Variants in USH1C observed in about 807,000 individuals in gnomAD.
USH1C encodes USH1 protein network component harmonin, also known as harmonin.
A neutral mutation model predicts 119.3 loss-of-function variants in USH1C; 90 were observed. The observed-to-expected ratio is 0.75, with a 90% CI of 0.64 to 0.90. The LOEUF is 0.90. USH1C is among the 40% of genes least tolerant of loss of function. The pLI is 0.00. For missense variants in USH1C, 1,165 were observed against 1,167.7 expected, an observed-to-expected ratio of 1.00 and a Z score of 0.03; for synonymous variants, 465 against 443.3, an observed-to-expected ratio of 1.05 and a Z score of -0.62.
intron 8 of USH1C, among the ~76,000 whole-genome samples, chr11:17,524,982 C>T (rs1297232273): frequency 2.0e-5 from 3 of 152,180 alleles, no homozygotes; most frequent in African/African-American, 7.2e-5. Context: ...GCTGCGACTA[C>T]AGGTGTGCAC....
chr11:17,506,089 G>A, intron 18 of USH1C, 140 bp from the exon 19 acceptor site: 1 of 1,271,492 alleles, frequency 7.9e-7, no homozygotes, highest in Non-Finnish European at 1.1e-6. Context: ...CGAGGTCCTG[G>A]GGTTGTGATC....
intron 22 of USH1C, 25 bp downstream of exon 22, chr11:17,501,457 C>T: frequency 6.2e-7 from 1 of 1,609,682 alleles, no homozygotes; most frequent in Non-Finnish European, 8.5e-7. Context: ...GATGGCGGCC[C>T]ACCGGCCTCC....
intron 4 of USH1C, among the ~76,000 whole-genome samples, chr11:17,529,634 T>TCC (rs1282806367): frequency 1.3e-5 from 2 of 152,214 alleles, no homozygotes; most frequent in Non-Finnish European, 2.9e-5. Flanking sequence ...TCGGAATGAT[T>TCC]CCCACACAGC....
At chr11:17,505,185 G>A (rs1374608662) in intron 19 of USH1C, among the ~76,000 whole-genome samples, 1 of 152,230 alleles carries the variant, frequency 6.6e-6, no homozygotes, top group Non-Finnish European at 1.5e-5. Flanking sequence ...CACTTCCCCA[G>A]GACCACACCT....
intron 2 of USH1C, among the ~76,000 whole-genome samples, chr11:17,532,882 A>C (rs114707575): frequency 0.013 from 2,003 of 152,324 alleles, 52 homozygotes; most frequent in African/African-American, 0.044. Context: ...AAAATGAATC[A>C]AAAAGCAAGT....
intron 20 of USH1C, 23 bp downstream of exon 20, chr11:17,504,620 CCAGA>C: frequency 3.1e-6 from 5 of 1,613,688 alleles, no homozygotes; most frequent in Non-Finnish European, 4.2e-6. Context: ...GGGGAGACCT[CCAGA>C]CACACAATGG....
chr11:17,540,688 C>T (rs1565074939), intron 1 of USH1C, among the ~76,000 whole-genome samples: 6 of 152,192 alleles, frequency 3.9e-5, no homozygotes. Flanking sequence ...TTTCTACGCT[C>T]GCAGCCAATC....
At chr11:17,517,328 G>A in intron 14 of USH1C, 2 of 1,463,424 alleles carry the variant, frequency 1.4e-6, no homozygotes, top group Non-Finnish European at 1.9e-6. Flanking sequence ...CTGGGTGTCT[G>A]CACTGCGGTC....
Position 17,526,387 on chromosome 11 carries a change from CCTT to C in USH1C, c.631_633del (p.Lys211del). ...CGGGAGCCTACCAGGCTGATGAAGA[CCTT>C]CTTCTCCTTGTTTTCCCGATTTCCA... On this transcript the variant is annotated inframe_deletion, in exon 8 of 27. Transcript: ENST00000005226. 6.2e-7 allele frequency: 1 copy of C among 1,614,142 alleles called. No homozygotes were observed. The highest frequency in any genetic ancestry group is 1.1e-5 in the South Asian group (1 of 91,074).
chr11:17,539,095 T>C (rs1851344600), intron 1 of USH1C, among the ~76,000 whole-genome samples: 1 of 152,204 alleles, frequency 6.6e-6, no homozygotes, highest in Non-Finnish European at 1.5e-5. Flanking sequence ...ACCAGCAGTA[T>C]TTCCTCTCTG....
At chr11:17,520,758 C>G (rs1591998860) in intron 14 of USH1C, 112 bp downstream of exon 14, 17 of 1,350,950 alleles carry the variant, frequency 1.3e-5, no homozygotes, top group Non-Finnish European at 1.8e-5. Flanking sequence ...CATGAAGGAA[C>G]CACAGCCCAG....
At chr11:17,499,493 G>T (rs1413862029) in intron 23 of USH1C, among the ~76,000 whole-genome samples, 1 of 152,204 alleles carries the variant, frequency 6.6e-6, no homozygotes, top group Non-Finnish European at 1.5e-5. Flanking sequence ...TTGGGTTGGG[G>T]CTTTGTAAGT....
chr11:17,509,108 G>A (rs904323833), intron 18 of USH1C, among the ~76,000 whole-genome samples: 1 of 152,126 alleles, frequency 6.6e-6, no homozygotes, highest in South Asian at 2.1e-4. Flanking sequence ...AATATCAAAT[G>A]GACACACCGT....
chr11:17,540,758 C>T (rs1851432428), intron 1 of USH1C, among the ~76,000 whole-genome samples: 1 of 152,164 alleles, frequency 6.6e-6, no homozygotes, highest in African/African-American at 2.4e-5. Context: ...CCCATTCTCA[C>T]CCGAGTCCGA....
chr11:17,537,278 C>T (rs1053149154), intron 1 of USH1C, among the ~76,000 whole-genome samples: 1 of 152,178 alleles, frequency 6.6e-6, no homozygotes, highest in Non-Finnish European at 1.5e-5. Flanking sequence ...TTTGGGGAGC[C>T]CCTGCTCTAG....
intron 8 of USH1C, 67 bp downstream of exon 8, chr11:17,526,280 G>A (rs1209278106): frequency 4.9e-5 from 66 of 1,345,296 alleles, no homozygotes; most frequent in Non-Finnish European, 6.6e-5. Context: ...GTGAGGAAGG[G>A]GAGGGCAATA....
At chr11:17,526,141 C>T (rs576207915) in intron 8 of USH1C, among the ~76,000 whole-genome samples, 5 of 152,276 alleles carry the variant, frequency 3.3e-5, no homozygotes, top group African/African-American at 1.2e-4. Context: ...GTTGAGGCTA[C>T]AGTGAGCTAT....
intron 23 of USH1C, 115 bp from the exon 24 acceptor site, chr11:17,498,386 T>C: frequency 3.1e-6 from 3 of 970,070 alleles, no homozygotes; most frequent in Non-Finnish European, 5.0e-6. Flanking sequence ...GCCTGGGTTC[T>C]GAAAGCTCAT....
At chr11:17,495,812 C>G in intron 25 of USH1C, 135 bp from the exon 26 acceptor site, 2 of 914,716 alleles carry the variant, frequency 2.2e-6, no homozygotes, top group South Asian at 1.5e-5. Context: ...TTAGGAGCTG[C>G]GAGACCCTGG....
Sources: gnomAD v4.1 joint callset for allele counts (sites outside exome capture counted in the v4.1 genomes callset) on GRCh38, gnomAD v4.1.1 for gene constraint, MANE v1.5 for transcripts, NCBI Gene and HGNC (gene_info 2026-07-23, HGNC 2026-07-21) for gene names.